The following GDPD4 variants were observed in gnomAD, a reference collection of about 807,000 sequenced individuals.
The protein encoded by GDPD4 is glycerophosphodiester phosphodiesterase domain containing 4.
In GDPD4, 60 loss-of-function variants were observed where a neutral mutation model predicts 67.8. The ratio of observed to expected loss-of-function variants is 0.88; its 90% CI spans 0.72 to 1.10. GDPD4 has a LOEUF of 1.10. Among genes scored for constraint, GDPD4 ranks in the 50% least tolerant of loss-of-function variants. GDPD4 has a pLI of 0.00. For missense variants in GDPD4, 623 were observed against 613.9 expected (o/e 1.01, Z -0.16); for synonymous variants, 212 against 210.9 (o/e 1.00, Z -0.04).
At chr11:77,246,032 C>A (rs1958777671) in intron 11 of GDPD4, among the ~76,000 whole-genome samples, 1 of 152,222 alleles carries the variant, frequency 6.6e-6, no homozygotes, top group African/African-American at 2.4e-5. Context: ...TGTGATCATG[C>A]CTTTAATCCC....
At chr11:77,251,077 G>A (rs1958886457) in intron 11 of GDPD4, among the ~76,000 whole-genome samples, 1 of 152,116 alleles carries the variant, frequency 6.6e-6, no homozygotes, top group Non-Finnish European at 1.5e-5. Context: ...GCATATAGTT[G>A]AGTCATTTCC....
In GDPD4 at chr11:77,233,179, CA is replaced by C. The variant is rs749921283; in HGVS notation, c.1242-8del. The C allele has an allele frequency of 2.5e-6, 4 of 1,611,962 alleles. No individual in the cohort carries two copies. On this transcript the variant is annotated splice_region_variant and splice_polypyrimidine_tract_variant and intron_variant, in intron 13 of 16. Coordinates refer to ENST00000315938, the MANE Select transcript of GDPD4 (RefSeq NM_182833.3). ...GTTAGCTGCTTTATAATCTCTGGAA[CA>C]AAAACAGAACCCACAGGGGATTTAG...
At chr11:77,270,683 T>G (rs929505908) in intron 7 of GDPD4, among the ~76,000 whole-genome samples, 3 of 152,122 alleles carry the variant, frequency 2.0e-5, no homozygotes, top group African/African-American at 7.2e-5. Context: ...CACTCCAGCC[T>G]GGCAATGGAG....
intron 13 of GDPD4, among the ~76,000 whole-genome samples, chr11:77,241,938 A>T (rs11237144): frequency 0.27 from 40,416 of 152,056 alleles, 6,375 homozygotes; most frequent in South Asian, 0.44. Context: ...TCTCAAAAAA[A>T]AAATAAATAA....
At chr11:77,230,500 A>C (rs1036102710) in intron 14 of GDPD4, among the ~76,000 whole-genome samples, 1 of 152,208 alleles carries the variant, frequency 6.6e-6, no homozygotes, top group African/African-American at 2.4e-5. Context: ...GATTATAAAG[A>C]TCTAGGTAGA....
intron 5 of GDPD4, among the ~76,000 whole-genome samples, chr11:77,271,789 T>C (rs908468782): frequency 2.3e-4 from 35 of 152,324 alleles, no homozygotes; most frequent in African/African-American, 8.2e-4. Context: ...AAGTAAATAA[T>C]ACTCTGTAAT....
At chr11:77,251,691 G>T (rs1416441666) in intron 11 of GDPD4, among the ~76,000 whole-genome samples, 1 of 152,150 alleles carries the variant, frequency 6.6e-6, no homozygotes, top group East Asian at 1.9e-4. Context: ...TTTTGGGATT[G>T]AATCTATTTG....
intron 3 of GDPD4, among the ~76,000 whole-genome samples, chr11:77,281,017 G>C (rs1959731595): frequency 6.6e-6 from 1 of 152,122 alleles, no homozygotes; most frequent in Non-Finnish European, 1.5e-5. Context: ...GGCTTCTTCT[G>C]ACTTAGTATT....
chr11:77,254,433 G>A (rs1472090075), intron 11 of GDPD4, among the ~76,000 whole-genome samples: 1 of 152,102 alleles, frequency 6.6e-6, no homozygotes, highest in African/African-American at 2.4e-5. Flanking sequence ...CTCTGGTGCT[G>A]TCCTTTATTT....
chr11:77,258,225 T>C (rs532825405), intron 11 of GDPD4, among the ~76,000 whole-genome samples, 161 bp downstream of exon 11: 1 of 152,344 alleles, frequency 6.6e-6, no homozygotes, highest in South Asian at 2.1e-4. Flanking sequence ...ACTTCATTAC[T>C]GAAAAAGCCC....
At chr11:77,221,526 A>G (rs1273269257) in intron 16 of GDPD4, among the ~76,000 whole-genome samples, 1 of 152,092 alleles carries the variant, frequency 6.6e-6, no homozygotes, top group Non-Finnish European at 1.5e-5. Context: ...TTCAGTTTCC[A>G]TGTAGTTGAG....
At chr11:77,232,026 T>C (rs918690386) in intron 14 of GDPD4, among the ~76,000 whole-genome samples, 8 of 152,196 alleles carry the variant, frequency 5.3e-5, no homozygotes, top group African/African-American at 1.9e-4. Flanking sequence ...GTCCTGACCC[T>C]GAACAGGTCA....
At chr11:77,243,965 G>A (rs368128019) in intron 12 of GDPD4, 117 bp from the exon 13 acceptor site, 16 of 676,010 alleles carry the variant, frequency 2.4e-5, no homozygotes, top group East Asian at 1.0e-4. Flanking sequence ...AGAGAGTAGA[G>A]AGAGAGAGTC....
chr11:77,227,810 G>A, intron 16 of GDPD4, 54 bp downstream of exon 16: 3 of 1,367,228 alleles, frequency 2.2e-6, no homozygotes, highest in Non-Finnish European at 3.1e-6. Context: ...TCTGTCTCCT[G>A]GAAGCAATGG....
intron 14 of GDPD4, among the ~76,000 whole-genome samples, chr11:77,232,055 T>C (rs1958466672): frequency 6.6e-6 from 1 of 152,116 alleles, no homozygotes; most frequent in African/African-American, 2.4e-5. Context: ...GGCCAGAGGG[T>C]GGAGATCTGG....
At chr11:77,217,988 T>TA (rs1427810622) in intron 16 of GDPD4, among the ~76,000 whole-genome samples, 3 of 151,308 alleles carry the variant, frequency 2.0e-5, no homozygotes, top group African/African-American at 7.4e-5. Flanking sequence ...CCTTTTATTT[T>TA]TATTAATTAA....
At chr11:77,284,092 T>G (rs1271888945) in intron 3 of GDPD4, among the ~76,000 whole-genome samples, 1 of 152,120 alleles carries the variant, frequency 6.6e-6, no homozygotes, top group Non-Finnish European at 1.5e-5. Flanking sequence ...TGGGAATCTA[T>G]TCTAGGAACA....
At chr11:77,229,571 TCTA>T (rs1958415388) in intron 14 of GDPD4, among the ~76,000 whole-genome samples, 1 of 152,172 alleles carries the variant, frequency 6.6e-6, no homozygotes, top group Non-Finnish European at 1.5e-5. Flanking sequence ...GTTCTTGACT[TCTA>T]CTGCTGTTTT....
intron 1 of GDPD4, 104 bp from the exon 2 acceptor site, chr11:77,287,524 A>G (rs1960049033): frequency 6.6e-6 from 1 of 152,212 alleles, no homozygotes; most frequent in African/African-American, 2.4e-5. Flanking sequence ...GGATTTTTAA[A>G]AAACTGTTTA....
Sources: allele counts gnomAD v4.1 joint callset (sites outside exome capture counted in the v4.1 genomes callset), GRCh38; gene constraint gnomAD v4.1.1; transcripts MANE v1.5; gene names NCBI Gene and HGNC (gene_info 2026-07-23, HGNC 2026-07-21).